Variants in PLCB4 observed in about 807,000 individuals in gnomAD.
PLCB4 encodes phospholipase C beta 4, also known as 1-phosphatidylinositol 4,5-bisphosphate phosphodiesterase beta-4.
PLCB4 carries 77 observed loss-of-function variants against 178.8 expected under a neutral mutation model. The ratio of observed to expected loss-of-function variants is 0.43; its 90% CI spans 0.36 to 0.52. The LOEUF (loss-of-function observed/expected upper bound fraction) is 0.52, where lower values mean the gene tolerates loss of function less well. PLCB4 is among the 20% of genes least tolerant of loss of function. PLCB4 has a pLI of 0.00. For synonymous variants in PLCB4, 496 were observed against 490.8 expected (o/e 1.01, Z -0.14); for missense variants, 1,024 against 1,453.4 (o/e 0.70, Z 4.80).
intron 37 of PLCB4, 66 bp downstream of exon 37, chr20:9,472,913 C>A: frequency 2.3e-6 from 2 of 869,376 alleles, no homozygotes; most frequent in Non-Finnish European, 3.7e-6. Context: ...CATGCTTAGC[C>A]ACCAGATCTC....
chr20:9,270,853 T>A (rs910618221), intron 3 of PLCB4, among the ~76,000 whole-genome samples: 1 of 152,084 alleles, frequency 6.6e-6, no homozygotes, highest in Non-Finnish European at 1.5e-5. Context: ...TTTAGATGAA[T>A]TATTTGTTGA....
chr20:9,363,643 C>T (rs1323203379), intron 8 of PLCB4, among the ~76,000 whole-genome samples: 3 of 152,200 alleles, frequency 2.0e-5, no homozygotes, highest in East Asian at 3.8e-4. Flanking sequence ...TTCAAGGTGA[C>T]ATGAAAATCA....
chr20:9,384,319 C>T lies in PLCB4; in HGVS notation c.972C>T (p.Ile324=). Residue 324 remains isoleucine, a synonymous_variant, in exon 14 of 40, where the codon ATC becomes ATT. Coordinates refer to ENST00000378473, the MANE Select transcript of PLCB4 (RefSeq NM_001377142.1). ...EMDHPLAHYF[I]SSSHNTYLTG... ...ACCATCCTCTGGCTCACTACTTCATCAGTTCTTCCCATAACACTTATCTCA... is the reference window on the plus strand; with the variant it reads ...ACCATCCTCTGGCTCACTACTTCATTAGTTCTTCCCATAACACTTATCTCA... 6.2e-7 allele frequency: 1 copy of T among 1,614,072 alleles called. No homozygotes were observed. Among genetic ancestry groups the T allele is most frequent in the South Asian group, 1.1e-5 (1 of 91,090 alleles).
chr20:9,096,994 G>T (rs963203432), intron 2 of PLCB4, among the ~76,000 whole-genome samples: 2 of 151,940 alleles, frequency 1.3e-5, no homozygotes, highest in African/African-American at 4.8e-5. Flanking sequence ...GAATGCAGTG[G>T]CGTGATCTTG....
At chr20:9,314,690 C>T (rs1052567972) in intron 4 of PLCB4, among the ~76,000 whole-genome samples, 4 of 152,026 alleles carry the variant, frequency 2.6e-5, no homozygotes, top group Non-Finnish European at 2.9e-5. Flanking sequence ...AAGGGAAGAA[C>T]GTAATAAATG....
At chr20:9,159,656 T>G (rs911811784) in intron 2 of PLCB4, among the ~76,000 whole-genome samples, 3 of 152,180 alleles carry the variant, frequency 2.0e-5, no homozygotes, top group Non-Finnish European at 4.4e-5. Context: ...GTATATGAAT[T>G]CTTAATCAAG....
intron 3 of PLCB4, among the ~76,000 whole-genome samples, chr20:9,276,397 G>T (rs1047266182): frequency 1.3e-5 from 2 of 152,020 alleles, no homozygotes; most frequent in African/African-American, 4.8e-5. Context: ...AGGTGTGGGG[G>T]CCTGAGAAGA....
rs898006815 is a variant in PLCB4 at position 9,104,745 on chromosome 20, T to C, written c.-79+8403T>C. ...CTTTTTTTCTCTCTTCCCAGAATAT[T>C]ATCCCTTTAATCTCTTCACATCCTA... is the stretch of plus-strand genomic sequence containing the variant. On this transcript the variant is annotated intron_variant, in intron 2 of 39. Transcript: ENST00000378473. Among the ~76,000 whole-genome samples the C allele has an allele frequency of 2.0e-5, 3 of 152,116 alleles. No homozygotes were observed. In the East Asian group the frequency reaches 5.8e-4, roughly 29 times the overall value.
chr20:9,129,397 C>T (rs968787152), intron 2 of PLCB4, among the ~76,000 whole-genome samples: 1 of 152,076 alleles, frequency 6.6e-6, no homozygotes, highest in Admixed American at 6.6e-5. Flanking sequence ...GGGATCAGAC[C>T]GCAGTTACCC....
chr20:9,139,618 G>A (rs1358285495), intron 2 of PLCB4, among the ~76,000 whole-genome samples: 1 of 152,088 alleles, frequency 6.6e-6, no homozygotes, highest in Admixed American at 6.6e-5. Flanking sequence ...CACTCCCAGT[G>A]CATTCTGTCA....
chr20:9,407,447 T>C lies in PLCB4; in HGVS notation c.1648-470T>C, dbSNP rs369390245. Among the ~76,000 whole-genome samples the C allele has an allele frequency of 3.4e-3, 507 of 150,912 alleles. 7 individuals are homozygous for C. Among genetic ancestry groups the C allele is most frequent in the Admixed American group, 4.8e-3 (72 of 15,078 alleles). The stretch of plus-strand genomic sequence containing the variant: ...TGCAGTGGCACAATCTCAGCTCACC[T>C]CAACCTCTGCCTCCTGGGTTCAAGC... On this transcript the variant is annotated intron_variant, in intron 21 of 39. Coordinates refer to ENST00000378473, the MANE Select transcript of PLCB4 (RefSeq NM_001377142.1).
chr20:9,301,927 C>A (rs1184360679), intron 3 of PLCB4, among the ~76,000 whole-genome samples: 1 of 151,868 alleles, frequency 6.6e-6, no homozygotes, highest in Non-Finnish European at 1.5e-5. Flanking sequence ...CCAGTAACTG[C>A]TCAATGTGTT....
intron 3 of PLCB4, among the ~76,000 whole-genome samples, chr20:9,271,199 T>G (rs1243868573): frequency 1.3e-5 from 2 of 152,148 alleles, no homozygotes; most frequent in Non-Finnish European, 2.9e-5. Flanking sequence ...CCTCAAGTTG[T>G]CCATTTTACA....
intron 2 of PLCB4, among the ~76,000 whole-genome samples, chr20:9,190,308 GA>G (rs1244980598): frequency 1.3e-5 from 2 of 152,082 alleles, no homozygotes; most frequent in African/African-American, 4.8e-5. Flanking sequence ...TGGATTGTGG[GA>G]ATGGTTTCCC....
chr20:9,197,621 G>A (rs930810194), intron 2 of PLCB4, among the ~76,000 whole-genome samples: 2 of 152,142 alleles, frequency 1.3e-5, no homozygotes, highest in African/African-American at 4.8e-5. Context: ...ACCACCCTGG[G>A]ACCTGTATAG....
At chr20:9,220,674 A>G (rs1178308817) in intron 3 of PLCB4, among the ~76,000 whole-genome samples, 1 of 152,212 alleles carries the variant, frequency 6.6e-6, no homozygotes, top group East Asian at 1.9e-4. Context: ...AATTTATAAC[A>G]TTAGTGTTAG....
At chr20:9,213,527 T>C (rs1017821225) in intron 2 of PLCB4, among the ~76,000 whole-genome samples, 3 of 152,370 alleles carry the variant, frequency 2.0e-5, no homozygotes, top group Admixed American at 6.5e-5. Context: ...TATTCTATTA[T>C]GTGAACGTAC....
intron 2 of PLCB4, among the ~76,000 whole-genome samples, chr20:9,205,937 C>T (rs887869650): frequency 4.6e-5 from 7 of 152,156 alleles, no homozygotes; most frequent in Admixed American, 3.9e-4. Context: ...GTTGTGTTAT[C>T]AATAGTTATT....
chr20:9,164,605 C>T (rs778333489), intron 2 of PLCB4, among the ~76,000 whole-genome samples: 12 of 151,930 alleles, frequency 7.9e-5, no homozygotes, highest in Non-Finnish European at 1.6e-4. Context: ...AAGAGTATAA[C>T]TCAGTTTAGA....
Sources: gnomAD v4.1 joint callset for allele counts (sites outside exome capture counted in the v4.1 genomes callset) on GRCh38, gnomAD v4.1.1 for gene constraint, MANE v1.5 for transcripts, NCBI Gene and HGNC (gene_info 2026-07-23, HGNC 2026-07-21) for gene names.